Variants in MCTP1 observed in about 807,000 individuals in gnomAD.
MCTP1 encodes multiple C2 and transmembrane domain containing 1.
MCTP1 carries 69 observed loss-of-function variants against 120.6 expected under a neutral mutation model. That is an observed-to-expected ratio of 0.57 (90% CI 0.47 to 0.70). The LOEUF (loss-of-function observed/expected upper bound fraction) is 0.70. MCTP1 is among the 30% of genes least tolerant of loss of function. The probability of loss-of-function intolerance (pLI) is 0.00; values close to 1 mark genes in which losing one functional copy is unlikely to be tolerated. For synonymous variants in MCTP1, 529 were observed against 493.1 expected, an observed-to-expected ratio of 1.07 and a Z score of -0.96; for missense variants, 1,203 against 1,248.8, an observed-to-expected ratio of 0.96 and a Z score of 0.55.
chr5:94,964,748 T>A (rs61110520), intron 2 of MCTP1, among the ~76,000 whole-genome samples: 55 of 152,302 alleles, frequency 3.6e-4, no homozygotes, highest in Admixed American at 1.3e-3. Context: ...GTGAAGTAAG[T>A]CTCTTGTAGG....
chr5:94,827,103 G>C (rs1381000167), intron 17 of MCTP1, among the ~76,000 whole-genome samples: 1 of 152,058 alleles, frequency 6.6e-6, no homozygotes, highest in Non-Finnish European at 1.5e-5. Flanking sequence ...GCAGTGGCCG[G>C]TTCTGGTTTT....
At chr5:95,022,872 T>C (rs1362736480) in intron 1 of MCTP1, among the ~76,000 whole-genome samples, 1 of 151,946 alleles carries the variant, frequency 6.6e-6, no homozygotes, top group African/African-American at 2.4e-5. Context: ...AGGTATGAAG[T>C]CATTGGGAGA....
intron 19 of MCTP1, among the ~76,000 whole-genome samples, chr5:94,749,653 T>TA (rs1767784532): frequency 2.0e-4 from 5 of 24,654 alleles, no homozygotes; most frequent in Non-Finnish European, 3.4e-4. Flanking sequence ...AGACTTCATC[T>TA]CAAAAAAAAA....
At chr5:94,913,082 G>A (rs543004553) in intron 8 of MCTP1, 106 bp from the exon 9 acceptor site, 29 of 600,258 alleles carry the variant, frequency 4.8e-5, no homozygotes, top group Admixed American at 9.4e-5. Flanking sequence ...ATAAAGGATC[G>A]GCAATTATAA....
intron 19 of MCTP1, among the ~76,000 whole-genome samples, chr5:94,729,125 T>C (rs149568379): frequency 5.1e-4 from 77 of 152,330 alleles, no homozygotes; most frequent in African/African-American, 1.8e-3. Flanking sequence ...AACTCTGTAG[T>C]TGAGAACAGT....
intron 1 of MCTP1, among the ~76,000 whole-genome samples, chr5:95,102,267 A>T: frequency 6.6e-6 from 1 of 152,164 alleles, no homozygotes; most frequent in East Asian, 1.9e-4. Context: ...AGCCACTTCA[A>T]TCAGGACAAG....
chr5:94,971,403 G>A (rs374888759), intron 2 of MCTP1, among the ~76,000 whole-genome samples: 28 of 152,046 alleles, frequency 1.8e-4, no homozygotes, highest in African/African-American at 6.8e-4. Context: ...TGTTAAGTGT[G>A]TCTAGGAAAT....
chr5:95,015,123 G>T (rs1836842702), intron 2 of MCTP1, among the ~76,000 whole-genome samples: 1 of 151,850 alleles, frequency 6.6e-6, no homozygotes, highest in Non-Finnish European at 1.5e-5. Context: ...ACTACAGTAT[G>T]GTATATATTA....
chr5:95,243,630 C>T (rs991843152), intron 1 of MCTP1, among the ~76,000 whole-genome samples: 13 of 152,094 alleles, frequency 8.5e-5, no homozygotes, highest in Non-Finnish European at 1.8e-4. Context: ...TTGGAGAACA[C>T]GTTAGATAAG....
intron 1 of MCTP1, among the ~76,000 whole-genome samples, chr5:95,059,899 G>A (rs1748474879): frequency 6.6e-6 from 1 of 152,152 alleles, no homozygotes; most frequent in Admixed American, 6.5e-5. Context: ...AAGGGAAAAG[G>A]GAACTTGAGA....
At chr5:95,056,956 T>G (rs939736425) in intron 1 of MCTP1, among the ~76,000 whole-genome samples, 1 of 152,178 alleles carries the variant, frequency 6.6e-6, no homozygotes, top group South Asian at 2.1e-4. Flanking sequence ...TAGAGAAATA[T>G]GTAGTATGAT....
chr5:94,957,228 T>C (rs1822865209), intron 2 of MCTP1, among the ~76,000 whole-genome samples: 2 of 152,124 alleles, frequency 1.3e-5, no homozygotes, highest in East Asian at 1.9e-4. Context: ...AGAGATTTTG[T>C]CACCACCAAG....
chr5:94,790,759 G>A (rs1778720593), intron 18 of MCTP1, among the ~76,000 whole-genome samples: 1 of 152,082 alleles, frequency 6.6e-6, no homozygotes, highest in Admixed American at 6.6e-5. Flanking sequence ...TGTCAGGGAT[G>A]GTGCTCCAGA....
intron 1 of MCTP1, among the ~76,000 whole-genome samples, chr5:95,134,200 T>C (rs1324971514): frequency 6.6e-6 from 1 of 152,244 alleles, no homozygotes; most frequent in African/African-American, 2.4e-5. Context: ...GTTAAGTGTT[T>C]TAATCAGTGT....
In MCTP1 at chr5:95,146,840, C is replaced by T. The variant is rs183631642; in HGVS notation, c.721-129356G>A. On this transcript the variant is annotated intron_variant, in intron 1 of 22. Coordinates refer to ENST00000515393, the MANE Select transcript of MCTP1 (RefSeq NM_024717.7). ...ATATGATTCATGTTTGGATAAAAAC[C>T]GTGTATATTTTGTGGTTGTTGGGTG... Among the ~76,000 whole-genome samples the T allele has an allele frequency of 1.1e-4, 17 of 151,926 alleles. 1 individual carries two copies. In the East Asian group the frequency reaches 1.9e-3, roughly 17 times the overall value.
intron 3 of MCTP1, among the ~76,000 whole-genome samples, chr5:94,947,329 G>T (rs549182444): frequency 6.6e-6 from 1 of 151,710 alleles, no homozygotes; most frequent in East Asian, 1.9e-4. Flanking sequence ...TTCACTGTCC[G>T]TGCCTAATTA....
chr5:94,926,028 G>A (rs1052145037), intron 6 of MCTP1, among the ~76,000 whole-genome samples: 1 of 151,482 alleles, frequency 6.6e-6, no homozygotes, highest in South Asian at 2.1e-4. Context: ...TTTTTCACAG[G>A]GAAATAAAAT....
intron 1 of MCTP1, among the ~76,000 whole-genome samples, chr5:95,073,976 C>G (rs557962959): frequency 6.6e-6 from 1 of 151,986 alleles, no homozygotes; most frequent in African/African-American, 2.4e-5. Context: ...TTTGGCCGGG[C>G]GTGGTGGCGG....
chr5:94,933,330 G>A (rs1207074132), intron 5 of MCTP1, among the ~76,000 whole-genome samples: 4 of 151,684 alleles, frequency 2.6e-5, no homozygotes, highest in Non-Finnish European at 5.9e-5. Flanking sequence ...TGGCCATCTA[G>A]GGGGACATGT....
Sources: gnomAD v4.1 joint callset for allele counts (sites outside exome capture counted in the v4.1 genomes callset) on GRCh38, gnomAD v4.1.1 for gene constraint, MANE v1.5 for transcripts, NCBI Gene and HGNC (gene_info 2026-07-23, HGNC 2026-07-21) for gene names.